Variants in LAMP3 observed in about 807,000 individuals in gnomAD.
The protein encoded by LAMP3 is lysosome-associated membrane glycoprotein 3.
LAMP3 carries 26 observed loss-of-function variants against 34.8 expected under a neutral mutation model. The observed-to-expected ratio is 0.75, with a 90% CI of 0.55 to 1.04. LAMP3 has a LOEUF of 1.04. LAMP3 is among the 50% of genes least tolerant of loss of function. The probability of loss-of-function intolerance (pLI) is 0.00; values close to 1 mark genes in which losing one functional copy is unlikely to be tolerated. For synonymous variants in LAMP3, 180 were observed against 201.9 expected (o/e 0.89, Z 0.92); for missense variants, 495 against 524.0 (o/e 0.94, Z 0.54).
In LAMP3 at chr3:183,154,345, T is replaced by G; in HGVS notation, c.96A>C (p.Glu32Asp). The change falls in exon 2 of 6, where the codon GAA (glutamate) becomes GAC (aspartate). Residue 32 changes from glutamate (E) to aspartate (D), a missense_variant. By Grantham distance (45) the Glu-to-Asp change is conservative. Transcript: ENST00000265598. Reference protein sequence around the residue: ...GSQMRAKAFPETRDYSQPTAA... With the variant: ...GSQMRAKAFPDTRDYSQPTAA... ...CAGTAGGTTGAGAATAATCTCTGGT[T>G]TCTGGAAATGCTTTTGCTCTCATTT... 2 of 1,609,606 alleles carry G rather than the reference T, an allele frequency of 1.2e-6. No homozygotes were observed. The highest frequency in any genetic ancestry group is 1.7e-6 in the Non-Finnish European group (2 of 1,178,500).
intron 5 of LAMP3, among the ~76,000 whole-genome samples, chr3:183,130,334 G>GT (rs1719879715): frequency 6.6e-6 from 1 of 151,392 alleles, no homozygotes. Context: ...AATTTTTTGT[G>GT]TTTTTAGTAG....
At position 183,162,623 on chromosome 3, in the gene LAMP3, G is replaced by C; in HGVS notation, c.33C>G (p.Leu11=). Reference sequence around the variant, plus strand: ...GCCACTCACCGGCCAGGGACGCGAAGAGCGCGGCCGCCGCGCTGAGCTGCC... The same window carrying C: ...GCCACTCACCGGCCAGGGACGCGAACAGCGCGGCCGCCGCGCTGAGCTGCC... MPRQLSAAAA[L]FASLAVILHD... is the part of the protein sequence containing the mutation. The change falls in exon 1 of 6, where the codon CTC becomes CTG. Residue 11 remains leucine, a synonymous_variant. Coordinates refer to ENST00000265598, the MANE Select transcript of LAMP3 (RefSeq NM_014398.4). 1.3e-6 allele frequency: 2 copies of C among 1,545,036 alleles called. No individual in the cohort carries two copies. The highest frequency in any genetic ancestry group is 1.7e-6 in the Non-Finnish European group (2 of 1,145,906).
rs1361640994 is a variant in LAMP3 at position 183,134,191 on chromosome 3, G to C, written c.1117+1526C>G. Among the ~76,000 whole-genome samples, 3 of 152,126 alleles carry C rather than the reference G, an allele frequency of 2.0e-5. No individual in the cohort carries two copies. In the East Asian group the frequency reaches 5.8e-4, roughly 29 times the overall value. On this transcript the variant is annotated intron_variant, in intron 5 of 5. Transcript: ENST00000265598. ...ATACGGTGACAGTGGGAGAACAAGG[G>C]GAACATTTTGGAAGTGGAATTGTTA...
intron 5 of LAMP3, 66 bp from the exon 6 acceptor site, chr3:183,124,280 G>A (rs1008624444): frequency 1.5e-5 from 21 of 1,374,620 alleles, no homozygotes; most frequent in Middle Eastern, 1.9e-4. Flanking sequence ...AAGCAGGCTA[G>A]AGGGGAAAGA....
At chr3:183,149,605 ATG>A (rs1470047644) in intron 3 of LAMP3, among the ~76,000 whole-genome samples, 1 of 127,812 alleles carries the variant, frequency 7.8e-6, no homozygotes. Context: ...ATATATATAT[ATG>A]TATACACACA....
chr3:183,143,492 A>G (rs1576879415), intron 3 of LAMP3, among the ~76,000 whole-genome samples: 1 of 152,164 alleles, frequency 6.6e-6, no homozygotes, highest in South Asian at 2.1e-4. Context: ...ACAAAAGGAC[A>G]GGGGGATATT....
At position 183,133,077 on chromosome 3, in the gene LAMP3, G is replaced by A. The variant is rs564337941; in HGVS notation, c.1117+2640C>T. On this transcript the variant is annotated intron_variant, in intron 5 of 5. Transcript: ENST00000265598. ...CAGAGGGGAAGATGGAGCTGTTGGGGCTCAGACAACAGTGGGTGAAAACGA... is the reference window on the plus strand; with the variant it reads ...CAGAGGGGAAGATGGAGCTGTTGGGACTCAGACAACAGTGGGTGAAAACGA... 54 of 301,776 alleles carry A rather than the reference G, an allele frequency of 1.8e-4. 1 individual carries two copies. The highest frequency in any genetic ancestry group is 1.7e-4 in the East Asian group (1 of 5,784). 18.7% of individuals were successfully genotyped at this position (301,776 alleles called of 1,614,324 possible). A position where few individuals can be genotyped will look rare whatever the true frequency, so the allele number is the denominator to read the frequency against.
rs113968313 is a variant in LAMP3, at chr3:183,135,835, G to A, written c.999C>T (p.Val333=). The A allele has an allele frequency of 3.7e-4, 590 of 1,613,798 alleles. 2 individuals carry two copies. The African/African-American group carries it at 5.2e-3, about 14-fold the overall frequency. Residue 333 remains valine (V), a synonymous_variant, in exon 5 of 6, where the codon GTC becomes GTT. Transcript: ENST00000265598. ...KHAVVMFQTA[V]GHSFKCVSEQ... ...CACTCACGCACTTGAAGGAATGCCC[G>A]ACTGCTGTCTGGAACATCACCACCG...
intron 5 of LAMP3, chr3:183,132,524 C>A (rs1719956603): frequency 1.0e-6 from 1 of 985,322 alleles, no homozygotes; most frequent in Non-Finnish European, 1.2e-6. Context: ...CTCACAAGCA[C>A]CCCACTCATG....
intron 3 of LAMP3, among the ~76,000 whole-genome samples, chr3:183,141,333 C>T (rs1720277661): frequency 6.6e-6 from 1 of 152,054 alleles, no homozygotes; most frequent in Non-Finnish European, 1.5e-5. Context: ...ATTATCTTTC[C>T]AGAAAAACAA....
At chr3:183,156,199 A>G (rs1366498386) in intron 1 of LAMP3, among the ~76,000 whole-genome samples, 1 of 152,164 alleles carries the variant, frequency 6.6e-6, no homozygotes, top group Admixed American at 6.5e-5. Flanking sequence ...ACCTCTACTA[A>G]AAATAGAAAA....
rs537264944 is a variant in LAMP3 at position 183,142,144 on chromosome 3, T to C, written c.889-1549A>G. Reference sequence around the variant, plus strand: ...GTGTTGCTTTAATATACCATTTATTTGGGGCATTTTTAAAATTTGGAGCCT... The same window carrying C: ...GTGTTGCTTTAATATACCATTTATTCGGGGCATTTTTAAAATTTGGAGCCT... On this transcript the variant is annotated intron_variant, in intron 3 of 5. Coordinates refer to ENST00000265598, the MANE Select transcript of LAMP3 (RefSeq NM_014398.4). Among the ~76,000 whole-genome samples the C allele has an allele frequency of 2.6e-5, 4 of 152,346 alleles. No homozygotes were observed. In the South Asian group the frequency reaches 8.3e-4, roughly 32 times the overall value.
intron 4 of LAMP3, among the ~76,000 whole-genome samples, chr3:183,136,369 G>A (rs1277555301): frequency 2.0e-5 from 3 of 152,116 alleles, no homozygotes; most frequent in Non-Finnish European, 4.4e-5. Context: ...AACTCATTAG[G>A]GGCCAGGCGC....
At chr3:183,152,294 G>A (rs682396) in intron 3 of LAMP3, 81 bp downstream of exon 3, 1,270,518 of 1,410,678 alleles carry the variant, frequency 0.9, 572,779 homozygotes, top group Non-Finnish European at 0.91. Flanking sequence ...CTGAAGTGTG[G>A]GGTTGCACCA....
At position 183,150,631 on chromosome 3, in the gene LAMP3, T is replaced by G. The variant is rs568875394; in HGVS notation, c.888+1744A>C. On this transcript the variant is annotated intron_variant, in intron 3 of 5. Transcript: ENST00000265598. The stretch of plus-strand genomic sequence containing the variant: ...CATTGAATCATTGCTCACTGCAGCC[T>G]CAACCTCCTGGACTCAAGCAATTCA... Among the ~76,000 whole-genome samples the G allele has an allele frequency of 2.3e-5, 3 of 133,324 alleles. No homozygotes were observed. The South Asian group carries it at 8.0e-4, about 35-fold the overall frequency. The allele number at this position is 133,324 out of a possible 152,430, so 87.5% of individuals were successfully genotyped here.
intron 1 of LAMP3, among the ~76,000 whole-genome samples, chr3:183,158,829 C>T (rs796770223): frequency 2.6e-5 from 4 of 152,070 alleles, no homozygotes; most frequent in Non-Finnish European, 4.4e-5. Context: ...TTCTCAGGGG[C>T]CCTGTGAGGC....
At chr3:183,147,908 G>C (rs1248646497) in intron 3 of LAMP3, among the ~76,000 whole-genome samples, 1 of 152,012 alleles carries the variant, frequency 6.6e-6, no homozygotes, top group Non-Finnish European at 1.5e-5. Context: ...GTAGAGATAG[G>C]GTCTTGCTAT....
intron 1 of LAMP3, among the ~76,000 whole-genome samples, chr3:183,161,632 G>A (rs1166842923): frequency 2.6e-5 from 4 of 151,934 alleles, no homozygotes; most frequent in Non-Finnish European, 5.9e-5. Flanking sequence ...CAAGTGATCC[G>A]CCGGCCTCAG....
chr3:183,145,979 T>C (rs1307244468), intron 3 of LAMP3, among the ~76,000 whole-genome samples: 4 of 152,248 alleles, frequency 2.6e-5, no homozygotes, highest in African/African-American at 9.6e-5. Flanking sequence ...CAGTAAATTC[T>C]TACTAATAAA....
Sources: gnomAD v4.1 joint callset for allele counts (sites outside exome capture counted in the v4.1 genomes callset) on GRCh38, gnomAD v4.1.1 for gene constraint, MANE v1.5 for transcripts, NCBI Gene and HGNC (gene_info 2026-07-23, HGNC 2026-07-21) for gene names.